Variants in KAZN observed in about 807,000 individuals in gnomAD.
KAZN encodes kazrin.
Under a neutral mutation model 87.4 loss-of-function variants are expected in KAZN, and 40 were observed. The ratio of observed to expected loss-of-function variants is 0.46; its 90% CI spans 0.36 to 0.60. KAZN has a LOEUF of 0.60. Among genes scored for constraint, KAZN ranks in the 20% least tolerant of loss-of-function variants. The pLI is 0.00. For missense variants in KAZN, 898 were observed against 1,073.9 expected, an observed-to-expected ratio of 0.84 and a Z score of 2.29; for synonymous variants, 466 against 458.3, an observed-to-expected ratio of 1.02 and a Z score of -0.22.
intron 1 of KAZN, among the ~76,000 whole-genome samples, chr1:14,797,901 T>C (rs117416011): frequency 1.3e-5 from 2 of 152,310 alleles, no homozygotes; most frequent in East Asian, 3.9e-4. Context: ...CCAGCTCTCA[T>C]TTATTCATCA....
At chr1:14,695,302 G>T (rs1053501087) in intron 1 of KAZN, among the ~76,000 whole-genome samples, 9 of 151,986 alleles carry the variant, frequency 5.9e-5, no homozygotes, top group South Asian at 2.1e-4. Flanking sequence ...GATCTGTAAG[G>T]TTCTCCTTAT....
intron 1 of KAZN, among the ~76,000 whole-genome samples, chr1:14,844,838 G>A (rs149675212): frequency 6.6e-6 from 1 of 152,204 alleles, no homozygotes; most frequent in African/African-American, 2.4e-5. Context: ...TGGGTGGGTA[G>A]ATGGATGGGT....
chr1:13,946,975 G>T (rs544434135), intron 1 of KAZN, among the ~76,000 whole-genome samples: 1 of 152,250 alleles, frequency 6.6e-6, no homozygotes, highest in Non-Finnish European at 1.5e-5. Flanking sequence ...TGGAGGCTTG[G>T]GGGGAGAATC....
chr1:14,836,365 G>C (rs974756794), intron 1 of KAZN, among the ~76,000 whole-genome samples: 1 of 152,172 alleles, frequency 6.6e-6, no homozygotes, highest in African/African-American at 2.4e-5. Flanking sequence ...CTGGGGAGTG[G>C]GTGGGACGAG....
intron 2 of KAZN, among the ~76,000 whole-genome samples, chr1:14,404,628 A>C (rs951180186): frequency 6.6e-6 from 1 of 152,100 alleles, no homozygotes; most frequent in African/African-American, 2.4e-5. Flanking sequence ...TCTGGGAAAG[A>C]AAAACTTAGA....
chr1:13,976,022 C>A (rs963172076), intron 1 of KAZN, among the ~76,000 whole-genome samples: 1 of 152,162 alleles, frequency 6.6e-6, no homozygotes, highest in Admixed American at 6.5e-5. Context: ...AATTCAGATG[C>A]CTGGGTGATT....
intron 1 of KAZN, among the ~76,000 whole-genome samples, chr1:14,112,328 G>A (rs1644517542): frequency 8.3e-6 from 1 of 120,766 alleles, no homozygotes; most frequent in Non-Finnish European, 1.7e-5. Flanking sequence ...AACACTGCTA[G>A]CTCAGTCTGG....
intron 1 of KAZN, among the ~76,000 whole-genome samples, chr1:14,950,488 C>T (rs2101701654): frequency 1.3e-5 from 2 of 152,266 alleles, no homozygotes; most frequent in East Asian, 3.9e-4. Flanking sequence ...GCTTACCTCT[C>T]CCCGAAGGCT....
In KAZN at chr1:14,937,659, G is replaced by A. The variant is rs6689753; in HGVS notation, c.227-23025G>A. 8.4e-3 allele frequency among the ~76,000 whole-genome samples: 1,272 copies of A among 152,312 alleles called. 7 individuals are homozygous for A. The highest frequency in any genetic ancestry group is 0.016 in the South Asian group (79 of 4,834). On this transcript the variant is annotated intron_variant, in intron 1 of 14. Transcript: ENST00000376030. ...GGGCTGCATAAGCACTTGCTGTCAC[G>A]TCCCCTTCGCCAGTTTCCTGGCACA...
chr1:15,052,684 C>T (rs750801770), intron 4 of KAZN, among the ~76,000 whole-genome samples: 6 of 152,124 alleles, frequency 3.9e-5, no homozygotes, highest in East Asian at 1.9e-4. Flanking sequence ...ACTTCACACG[C>T]GTCATCTGCA....
chr1:14,577,418 C>G (rs989262493), intron 2 of KAZN, among the ~76,000 whole-genome samples: 1 of 152,164 alleles, frequency 6.6e-6, no homozygotes, highest in African/African-American at 2.4e-5. Context: ...CACAGACACC[C>G]TCAGCTTGGA....
chr1:14,548,100 G>A (rs1016010454), intron 2 of KAZN, among the ~76,000 whole-genome samples: 2 of 150,940 alleles, frequency 1.3e-5, no homozygotes, highest in Admixed American at 6.6e-5. Flanking sequence ...GAAAGTTTAC[G>A]AAATTGTATT....
At chr1:14,374,726 C>A (rs911763200) in intron 2 of KAZN, among the ~76,000 whole-genome samples, 1 of 152,100 alleles carries the variant, frequency 6.6e-6, no homozygotes, top group Non-Finnish European at 1.5e-5. Context: ...TGGTCAGGAC[C>A]GCGGACTGCC....
chr1:15,064,031 G>A (rs578227670), intron 7 of KAZN, among the ~76,000 whole-genome samples: 1 of 152,332 alleles, frequency 6.6e-6, no homozygotes, highest in South Asian at 2.1e-4. Context: ...CTGATGCCCT[G>A]GCCATGGCTT....
chr1:14,804,120 C>T (rs1049476531), intron 1 of KAZN, among the ~76,000 whole-genome samples: 3 of 152,224 alleles, frequency 2.0e-5, no homozygotes, highest in Admixed American at 6.5e-5. Context: ...TTCTGTTGGA[C>T]CCCTGGTGTC....
chr1:14,065,020 G>T (rs1323496527), intron 1 of KAZN, among the ~76,000 whole-genome samples: 1 of 152,174 alleles, frequency 6.6e-6, no homozygotes, highest in East Asian at 1.9e-4. Flanking sequence ...AACAGGCTTT[G>T]GGGCCCTGGG....
chr1:14,660,791 C>T (rs1228673669), intron 1 of KAZN, among the ~76,000 whole-genome samples: 3 of 152,150 alleles, frequency 2.0e-5, no homozygotes, highest in Non-Finnish European at 1.5e-5. Context: ...CTGCTGAAAT[C>T]GTGGCCAATG....
chr1:14,452,526 T>G (rs534623966), intron 2 of KAZN, among the ~76,000 whole-genome samples: 1 of 152,318 alleles, frequency 6.6e-6, no homozygotes, highest in South Asian at 2.1e-4. Flanking sequence ...CCTTGAGGGT[T>G]TGGATTTATG....
intron 1 of KAZN, among the ~76,000 whole-genome samples, chr1:14,867,606 G>A (rs1432464590): frequency 1.3e-5 from 2 of 152,074 alleles, no homozygotes; most frequent in Non-Finnish European, 2.9e-5. Flanking sequence ...GTAGTTGTCC[G>A]TAGACTGATG....
Sources: allele counts gnomAD v4.1 joint callset (sites outside exome capture counted in the v4.1 genomes callset), GRCh38; gene constraint gnomAD v4.1.1; transcripts MANE v1.5; gene names NCBI Gene and HGNC (gene_info 2026-07-23, HGNC 2026-07-21).